TRAM2: variants seen among roughly 807,000 people sequenced by gnomAD.
TRAM2 encodes translocation associated membrane protein 2, also known as translocating chain-associated membrane protein 2.
Under a neutral mutation model 51.0 loss-of-function variants are expected in TRAM2, and 12 were observed. The observed-to-expected ratio is 0.24, with a 90% CI of 0.15 to 0.38. TRAM2 has a LOEUF of 0.38. Ranked by LOEUF, TRAM2 falls within the 10% of genes least tolerant of loss-of-function variation. TRAM2 has a pLI of 1.00. For missense variants in TRAM2, 361 were observed against 462.0 expected (o/e 0.78, Z 2.00); for synonymous variants, 175 against 179.4 (o/e 0.98, Z 0.20).
intron 1 of TRAM2, among the ~76,000 whole-genome samples, chr6:52,537,798 G>A (rs7772287): frequency 0.22 from 33,501 of 151,940 alleles, 3,818 homozygotes; most frequent in Non-Finnish European, 0.26. Context: ...GCTCAGTAAC[G>A]GCTCATTGCT....
intron 3 of TRAM2, 106 bp downstream of exon 3, chr6:52,516,522 G>A: frequency 1.1e-6 from 1 of 937,198 alleles, no homozygotes. Flanking sequence ...GTGCAAGCAA[G>A]TTGGAGGATG....
At chr6:52,541,283 T>C (rs2114090492) in intron 1 of TRAM2, among the ~76,000 whole-genome samples, 1 of 152,218 alleles carries the variant, frequency 6.6e-6, no homozygotes, top group African/African-American at 2.4e-5. Flanking sequence ...CATGCATGAG[T>C]CCAAGGGCTT....
intron 1 of TRAM2, among the ~76,000 whole-genome samples, chr6:52,573,361 G>A (rs1158605183): frequency 6.6e-6 from 1 of 152,178 alleles, no homozygotes; most frequent in Non-Finnish European, 1.5e-5. Context: ...AGACAGGACT[G>A]AAGGACCAAA....
At chr6:52,522,346 C>T (rs2268737) in intron 2 of TRAM2, among the ~76,000 whole-genome samples, 15,860 of 152,292 alleles carry the variant, frequency 0.1, 1,409 homozygotes, top group East Asian at 0.51. Context: ...GCAGGAGAGG[C>T]GCAACCCAGT....
At chr6:52,515,270 A>T (rs1401769905) in intron 4 of TRAM2, among the ~76,000 whole-genome samples, 2 of 152,192 alleles carry the variant, frequency 1.3e-5, no homozygotes, top group Non-Finnish European at 2.9e-5. Flanking sequence ...GTGGGTACTA[A>T]CTCAATACTT....
At chr6:52,526,331 TGACA>T (rs1463524821) in intron 2 of TRAM2, among the ~76,000 whole-genome samples, 1 of 152,176 alleles carries the variant, frequency 6.6e-6, no homozygotes, top group Admixed American at 6.5e-5. Flanking sequence ...GATACTTCCA[TGACA>T]TAAAACAATG....
chr6:52,552,860 C>T (rs1767333339), intron 1 of TRAM2, among the ~76,000 whole-genome samples: 1 of 152,186 alleles, frequency 6.6e-6, no homozygotes, highest in Non-Finnish European at 1.5e-5. Context: ...TTGCCTATGT[C>T]CCAGGCTGCA....
At chr6:52,576,397 A>G (rs1767766154) in intron 1 of TRAM2, among the ~76,000 whole-genome samples, 1 of 152,212 alleles carries the variant, frequency 6.6e-6, no homozygotes, top group Non-Finnish European at 1.5e-5. Context: ...CCCTTGGGGC[A>G]AGAGGGGGTT....
Position 52,503,005 on chromosome 6 carries a change from A to C in TRAM2, c.*192T>G. 1 of 619,288 alleles carries C rather than the reference A, an allele frequency of 1.6e-6. No individual in the cohort carries two copies. Among genetic ancestry groups the C allele is most frequent in the Non-Finnish European group, 2.9e-6 (1 of 349,106 alleles). The allele number at this position is 619,288 out of a possible 1,614,324, so 38.4% of individuals were successfully genotyped here. On this transcript the variant is annotated 3_prime_UTR_variant, in exon 11 of 11. Coordinates refer to ENST00000182527, the MANE Select transcript of TRAM2 (RefSeq NM_012288.4). ...AGAAAGATTTTTGGCTTTATTGAGA[A>C]TGGTTTGTGGAAGAATAAGAGGAAG...
At chr6:52,522,956 T>A (rs1766704811) in intron 2 of TRAM2, 1 of 701,982 alleles carries the variant, frequency 1.4e-6, no homozygotes, top group Non-Finnish European at 2.6e-6. Flanking sequence ...GTGCGGTCTC[T>A]GACCTCCTCT....
intron 1 of TRAM2, among the ~76,000 whole-genome samples, chr6:52,569,340 A>AG (rs1767640010): frequency 4.6e-5 from 7 of 151,814 alleles, no homozygotes; most frequent in Admixed American, 3.9e-4. Flanking sequence ...CAGCAAGCCA[A>AG]GATTGCACCA....
At chr6:52,504,886 C>T in intron 9 of TRAM2, 132 bp from the exon 10 acceptor site, 1 of 724,458 alleles carries the variant, frequency 1.4e-6, no homozygotes, top group South Asian at 1.8e-5. Flanking sequence ...CACCACTGGC[C>T]CTCTTCGATA....
intron 1 of TRAM2, among the ~76,000 whole-genome samples, chr6:52,564,216 T>A (rs1036995698): frequency 2.0e-5 from 3 of 152,100 alleles, no homozygotes; most frequent in Admixed American, 6.5e-5. Context: ...GAGGGATGGC[T>A]CACAGCAAGT....
Position 52,516,743 on chromosome 6 carries a change from G to A in TRAM2, c.185-6C>T, listed in dbSNP as rs375581123. On this transcript the variant is annotated splice_polypyrimidine_tract_variant and splice_region_variant and intron_variant, in intron 2 of 10. Transcript: ENST00000182527. ...GTAGTGCACGGTCTCACTGTCTGTG[G>A]AGGTAATAAAAGTCCCATCAGCATC... 1.6e-4 allele frequency: 252 copies of A among 1,609,532 alleles called. No individual in the cohort carries two copies. Among genetic ancestry groups the A allele is most frequent in the Non-Finnish European group, 1.9e-4 (219 of 1,175,926 alleles).
At chr6:52,572,539 G>A (rs934958537) in intron 1 of TRAM2, among the ~76,000 whole-genome samples, 27 of 152,182 alleles carry the variant, frequency 1.8e-4, no homozygotes, top group Non-Finnish European at 3.8e-4. Context: ...GGAGGCGGAG[G>A]CTGCAGTGAG....
intron 9 of TRAM2, 42 bp from the exon 10 acceptor site, chr6:52,504,796 TC>T: frequency 6.5e-7 from 1 of 1,547,274 alleles, no homozygotes; most frequent in Non-Finnish European, 8.7e-7. Flanking sequence ...GGGCTTGGGC[TC>T]ACAGCCTTGG....
chr6:52,519,868 T>A (rs1424860609), intron 2 of TRAM2, among the ~76,000 whole-genome samples: 7 of 150,970 alleles, frequency 4.6e-5, no homozygotes, highest in Non-Finnish European at 7.4e-5. Context: ...CTCGAGGACA[T>A]TAGACTAAGT....
chr6:52,559,799 A>G (rs1767467961), intron 1 of TRAM2, among the ~76,000 whole-genome samples: 1 of 152,210 alleles, frequency 6.6e-6, no homozygotes, highest in African/African-American at 2.4e-5. Flanking sequence ...ACTGAATCAT[A>G]TGCCAATATG....
chr6:52,537,140 GT>G (rs1766988475), intron 1 of TRAM2, among the ~76,000 whole-genome samples: 1 of 152,210 alleles, frequency 6.6e-6, no homozygotes, highest in Non-Finnish European at 1.5e-5. Context: ...CATTTACTCT[GT>G]ACACAGAGAT....
Sources: allele counts gnomAD v4.1 joint callset (sites outside exome capture counted in the v4.1 genomes callset), GRCh38; gene constraint gnomAD v4.1.1; transcripts MANE v1.5; gene names NCBI Gene and HGNC (gene_info 2026-07-23, HGNC 2026-07-21).